Variants in CACNB2 observed in about 807,000 individuals in gnomAD.
CACNB2 encodes the protein calcium voltage-gated channel auxiliary subunit beta 2.
In CACNB2, 42 loss-of-function variants were observed where a neutral mutation model predicts 73.3. The observed-to-expected ratio is 0.57, with a 90% CI of 0.45 to 0.74. The LOEUF (loss-of-function observed/expected upper bound fraction) is 0.74, where lower values mean the gene tolerates loss of function less well. Ranked by LOEUF, CACNB2 falls within the 30% of genes least tolerant of loss-of-function variation. The probability of loss-of-function intolerance (pLI) is 0.00; values close to 1 mark genes in which losing one functional copy is unlikely to be tolerated. For missense variants in CACNB2, 940 were observed against 853.0 expected (o/e 1.10, Z -1.27); for synonymous variants, 348 against 310.3 (o/e 1.12, Z -1.28).
At chr10:18,405,752 G>A (rs2044253459) in intron 3 of CACNB2, among the ~76,000 whole-genome samples, 1 of 152,122 alleles carries the variant, frequency 6.6e-6, no homozygotes, top group Non-Finnish European at 1.5e-5. Context: ...GAGGTCAGGA[G>A]TTTGAGACCA....
intron 3 of CACNB2, among the ~76,000 whole-genome samples, chr10:18,443,962 G>C (rs150985267): frequency 6.6e-6 from 1 of 152,046 alleles, no homozygotes; most frequent in Admixed American, 6.6e-5. Flanking sequence ...CAATCCGCCC[G>C]CCTTGGCCTC....
chr10:18,528,006 G>C (rs1268725277), intron 10 of CACNB2, among the ~76,000 whole-genome samples: 1 of 152,176 alleles, frequency 6.6e-6, no homozygotes, highest in Non-Finnish European at 1.5e-5. Flanking sequence ...CCATGAGCAA[G>C]TTTATTAACC....
intron 2 of CACNB2, among the ~76,000 whole-genome samples, chr10:18,328,916 A>G (rs1006223907): frequency 1.3e-5 from 2 of 152,162 alleles, no homozygotes; most frequent in African/African-American, 2.4e-5. Context: ...TTGGGGGTAT[A>G]TCCAGTTTTT....
intron 3 of CACNB2, among the ~76,000 whole-genome samples, chr10:18,475,330 G>A (rs1205534574): frequency 1.3e-5 from 2 of 152,102 alleles, no homozygotes; most frequent in Non-Finnish European, 2.9e-5. Context: ...GGGTGTTGGG[G>A]CGGAAAGTTC....
At chr10:18,455,835 A>G (rs949532043) in intron 3 of CACNB2, among the ~76,000 whole-genome samples, 1 of 152,172 alleles carries the variant, frequency 6.6e-6, no homozygotes, top group African/African-American at 2.4e-5. Context: ...CTTTTAGCAG[A>G]ATTTCTTTTC....
At chr10:18,379,642 C>G (rs1415374408) in intron 2 of CACNB2, among the ~76,000 whole-genome samples, 1 of 152,180 alleles carries the variant, frequency 6.6e-6, no homozygotes, top group African/African-American at 2.4e-5. Flanking sequence ...CCATTAAGCA[C>G]TAACTCTCCA....
rs952595014 is a variant in CACNB2 at position 18,208,820 on chromosome 10, C to T, written c.213+57845C>T. 1.1e-3 allele frequency among the ~76,000 whole-genome samples: 159 copies of T among 151,020 alleles called. 2 individuals are homozygous for T. The highest frequency in any genetic ancestry group is 2.8e-4 in the Non-Finnish European group (19 of 67,720). On this transcript the variant is annotated intron_variant, in intron 2 of 13. Transcript: ENST00000324631. ...GAGAAGGGCTGAGCGGTAGAAGATA[C>T]GACGTTTAGAGAGAGAAAGCCCCTG...
intron 2 of CACNB2, among the ~76,000 whole-genome samples, chr10:18,294,528 C>T (rs1319739315): frequency 6.6e-6 from 1 of 152,112 alleles, no homozygotes; most frequent in African/African-American, 2.4e-5. Flanking sequence ...AAGCAAATAC[C>T]TAAGTAGTAC....
chr10:18,402,854 T>A (rs1255512723), intron 3 of CACNB2, among the ~76,000 whole-genome samples: 1 of 152,198 alleles, frequency 6.6e-6, no homozygotes, highest in Admixed American at 6.5e-5. Context: ...GAAAAACTTG[T>A]TTTGAAAAAG....
Position 18,539,215 on chromosome 10 carries a change from T to C in CACNB2, c.1489-15T>C, listed in dbSNP as rs1485940150. The C allele has an allele frequency of 1.2e-6, 2 of 1,613,984 alleles. No homozygotes were observed. Among genetic ancestry groups the C allele is most frequent in the African/African-American group, 1.3e-5 (1 of 75,020 alleles). Reference sequence around the variant, plus strand: ...TGACCTTGGTTAACGCCTGGTGTGCTCCTTTCGCTGCCAGGGTTCTCAAGG... The same window carrying C: ...TGACCTTGGTTAACGCCTGGTGTGCCCCTTTCGCTGCCAGGGTTCTCAAGG... On this transcript the variant is annotated splice_polypyrimidine_tract_variant and intron_variant, in intron 13 of 13. Transcript: ENST00000324631.
intron 10 of CACNB2, among the ~76,000 whole-genome samples, chr10:18,531,094 A>G (rs530826545): frequency 2.0e-5 from 3 of 152,228 alleles, no homozygotes; most frequent in Non-Finnish European, 4.4e-5. Flanking sequence ...ATGGCATTAA[A>G]TAACTCATAC....
At chr10:18,488,080 A>G (rs2049166014) in intron 3 of CACNB2, among the ~76,000 whole-genome samples, 1 of 150,516 alleles carries the variant, frequency 6.6e-6, no homozygotes, top group Non-Finnish European at 1.5e-5. Context: ...AAGTGCTGGG[A>G]TTACATGCGT....
intron 2 of CACNB2, among the ~76,000 whole-genome samples, chr10:18,275,295 C>G (rs553760442): frequency 6.6e-6 from 1 of 152,300 alleles, no homozygotes; most frequent in South Asian, 2.1e-4. Context: ...CATCTAAATA[C>G]TAGCTTTCTG....
chr10:18,200,255 T>G (rs1384570605), intron 2 of CACNB2, among the ~76,000 whole-genome samples: 1 of 150,788 alleles, frequency 6.6e-6, no homozygotes, highest in Non-Finnish European at 1.5e-5. Context: ...ATTACATTAA[T>G]TATACTCAAA....
rs909825283 is a variant in CACNB2 at position 18,220,209 on chromosome 10, A to G, written c.213+69234A>G. Among the ~76,000 whole-genome samples, 234 of 35,860 alleles carry G rather than the reference A, an allele frequency of 6.5e-3. 16 individuals are homozygous for G. The highest frequency in any genetic ancestry group is 0.014 in the African/African-American group (52 of 3,844). 23.5% of individuals were successfully genotyped at this position (35,860 alleles called of 152,430 possible). A position where few individuals can be genotyped will look rare whatever the true frequency, so the allele number is the denominator to read the frequency against. Reference sequence around the variant, plus strand: ...TACATATATATGTGTGTGTATATATATATATATATATATATATATATATAG... The same window carrying G: ...TACATATATATGTGTGTGTATATATGTATATATATATATATATATATATAG... On this transcript the variant is annotated intron_variant, in intron 2 of 13. Coordinates refer to ENST00000324631, the MANE Select transcript of CACNB2 (RefSeq NM_201596.3).
intron 2 of CACNB2, among the ~76,000 whole-genome samples, chr10:18,230,262 G>T (rs1432179593): frequency 6.6e-6 from 1 of 152,162 alleles, no homozygotes. Context: ...CAAATCAACA[G>T]CATACATTTC....
rs199837274 is a variant in CACNB2, at chr10:18,140,981, C to T, written c.120+125C>T. 4.1e-4 allele frequency: 623 copies of T among 1,518,994 alleles called. 3 individuals are homozygous for T. In the East Asian group the frequency reaches 0.014, roughly 35 times the overall value. The allele number at this position is 1,518,994 out of a possible 1,614,324, so 94.1% of individuals were successfully genotyped here. ...CGCACCTCCTCCCCTCGTCGCCTGC[C>T]CACCCTCTGCTCCTCTCCTGGCGCC... On this transcript the variant is annotated intron_variant, in intron 1 of 13. Transcript: ENST00000324631.
intron 3 of CACNB2, among the ~76,000 whole-genome samples, chr10:18,460,334 C>T (rs143072065): frequency 8.5e-5 from 13 of 152,260 alleles, no homozygotes; most frequent in African/African-American, 2.9e-4. Context: ...GAATGATGAG[C>T]TCTCGGAGGT....
chr10:18,146,043 T>C (rs2030937895), intron 1 of CACNB2, among the ~76,000 whole-genome samples: 1 of 152,178 alleles, frequency 6.6e-6, no homozygotes, highest in Non-Finnish European at 1.5e-5. Flanking sequence ...TGTTCCTTTC[T>C]GCTTTTGTGT....
Sources: gnomAD v4.1 joint callset for allele counts (sites outside exome capture counted in the v4.1 genomes callset) on GRCh38, gnomAD v4.1.1 for gene constraint, MANE v1.5 for transcripts, NCBI Gene and HGNC (gene_info 2026-07-23, HGNC 2026-07-21) for gene names.